The following CFAP74 variants were observed in gnomAD, a reference collection of about 807,000 sequenced individuals.
CFAP74 encodes cilia- and flagella-associated protein 74.
CFAP74 carries 124 observed loss-of-function variants against 188.9 expected under a neutral mutation model. The observed-to-expected ratio is 0.66, with a 90% CI of 0.57 to 0.76. The LOEUF (loss-of-function observed/expected upper bound fraction) is 0.76. CFAP74 is among the 30% of genes least tolerant of loss of function. The pLI is 0.00. For synonymous variants in CFAP74, 956 were observed against 916.7 expected (o/e 1.04, Z -0.77); for missense variants, 2,198 against 2,165.2 (o/e 1.02, Z -0.30).
At chr1:1,964,682 C>T (rs895766633) in intron 13 of CFAP74, among the ~76,000 whole-genome samples, 2 of 152,090 alleles carry the variant, frequency 1.3e-5, no homozygotes, top group Non-Finnish European at 2.9e-5. Context: ...CCCTGCTACT[C>T]GGGAGGCTGA....
intron 6 of CFAP74, among the ~76,000 whole-genome samples, chr1:1,979,894 G>A (rs1656720565): frequency 6.8e-6 from 1 of 147,010 alleles, no homozygotes; most frequent in Non-Finnish European, 1.5e-5. Context: ...GTCGTGCTGA[G>A]CTGGGCATGG....
chr1:1,988,290 G>A (rs567322039), intron 4 of CFAP74, among the ~76,000 whole-genome samples: 14 of 152,366 alleles, frequency 9.2e-5, no homozygotes, highest in South Asian at 2.1e-4. Context: ...TGGGGGCAGC[G>A]GGGCCACTTG....
At chr1:1,999,731 C>A (rs1438311363) in intron 1 of CFAP74, among the ~76,000 whole-genome samples, 1 of 151,922 alleles carries the variant, frequency 6.6e-6, no homozygotes, top group African/African-American at 2.4e-5. Context: ...GCAAGAGACT[C>A]CTTTGAACCT....
intron 8 of CFAP74, 66 bp from the exon 9 acceptor site, chr1:1,972,148 A>G: frequency 1.6e-6 from 2 of 1,240,874 alleles, no homozygotes; most frequent in Middle Eastern, 1.8e-4. Context: ...TGGTGCGATC[A>G]CAGCTCTCTG....
At chr1:1,938,382 G>A (rs1193266916) in intron 25 of CFAP74, among the ~76,000 whole-genome samples, 1 of 149,522 alleles carries the variant, frequency 6.7e-6, no homozygotes, top group East Asian at 2.0e-4. Context: ...CCACCTACGT[G>A]TACTCACATA....
At chr1:1,982,470 G>A (rs942657244) in intron 6 of CFAP74, among the ~76,000 whole-genome samples, 10 of 152,242 alleles carry the variant, frequency 6.6e-5, no homozygotes, top group African/African-American at 2.2e-4. Flanking sequence ...CTCAGGCTGT[G>A]CCCAGGAGCT....
intron 8 of CFAP74, among the ~76,000 whole-genome samples, 189 bp from the exon 9 acceptor site, chr1:1,972,271 A>C (rs1213686411): frequency 6.6e-6 from 1 of 152,216 alleles, no homozygotes; most frequent in Admixed American, 6.5e-5. Context: ...GAAGTGACAC[A>C]GCGATGCCGT....
intron 25 of CFAP74, among the ~76,000 whole-genome samples, chr1:1,938,313 A>C (rs1177964978): frequency 7.0e-6 from 1 of 141,926 alleles, no homozygotes; most frequent in African/African-American, 2.6e-5. Context: ...ACCCACATAC[A>C]TGCACTCACA....
At chr1:1,970,079 C>A (rs1041747967) in intron 10 of CFAP74, among the ~76,000 whole-genome samples, 3 of 152,118 alleles carry the variant, frequency 2.0e-5, no homozygotes, top group Non-Finnish European at 4.4e-5. Context: ...CAGTGGGGCC[C>A]GTGGGTGGGG....
At chr1:1,981,196 C>A (rs1656820181) in intron 6 of CFAP74, among the ~76,000 whole-genome samples, 3 of 152,242 alleles carry the variant, frequency 2.0e-5, no homozygotes, top group Non-Finnish European at 2.9e-5. Flanking sequence ...CTTGCAGAGA[C>A]CCTGCAACAA....
At chr1:1,983,374 G>A (rs758378085) in intron 6 of CFAP74, among the ~76,000 whole-genome samples, 8 of 152,082 alleles carry the variant, frequency 5.3e-5, no homozygotes, top group South Asian at 4.1e-4. Context: ...AGAAGCCAGC[G>A]GCCCCACAGT....
At chr1:1,929,153 G>C (rs1557989043) in intron 26 of CFAP74, among the ~76,000 whole-genome samples, 1 of 151,020 alleles carries the variant, frequency 6.6e-6, no homozygotes, top group Non-Finnish European at 1.5e-5. Flanking sequence ...TGGACAGGCC[G>C]GGACTGGGTC....
intron 38 of CFAP74, 93 bp from the exon 39 acceptor site, chr1:1,922,481 C>G: frequency 6.5e-7 from 1 of 1,548,992 alleles, no homozygotes; most frequent in Non-Finnish European, 8.7e-7. Context: ...ACCTGACTCC[C>G]TTGGGTCCTC....
At chr1:1,955,042 TGCGGCTCACACC>T in intron 18 of CFAP74, 1 of 1,260,628 alleles carries the variant, frequency 7.9e-7, no homozygotes, top group Admixed American at 2.8e-5. Context: ...ACACCGGAAG[TGCGGCTCACACC>T]GGAAGTGCGG....
intron 27 of CFAP74, 60 bp downstream of exon 27, chr1:1,928,724 G>A: frequency 7.5e-7 from 1 of 1,330,908 alleles, no homozygotes; most frequent in Non-Finnish European, 1.0e-6. Flanking sequence ...AGGCGGTGGA[G>A]TTTGTTCCTG....
intron 10 of CFAP74, among the ~76,000 whole-genome samples, chr1:1,970,258 C>A (rs894212444): frequency 3.3e-5 from 5 of 152,228 alleles, no homozygotes; most frequent in Non-Finnish European, 7.4e-5. Flanking sequence ...AGGGAGTGAG[C>A]AAGGGCAGGC....
intron 1 of CFAP74, among the ~76,000 whole-genome samples, chr1:1,992,122 T>C (rs1486975845): frequency 6.6e-6 from 1 of 151,978 alleles, no homozygotes; most frequent in Non-Finnish European, 1.5e-5. Context: ...TCGTCACGCG[T>C]TGCTGGTGGG....
chr1:1,977,840 T>C (rs995929038), intron 6 of CFAP74, among the ~76,000 whole-genome samples: 2 of 152,066 alleles, frequency 1.3e-5, no homozygotes, highest in Admixed American at 6.5e-5. Flanking sequence ...CGTTGGAAAG[T>C]TTGTTGTTGC....
chr1:1,977,050 G>A (rs766738009), intron 6 of CFAP74, among the ~76,000 whole-genome samples: 23 of 151,878 alleles, frequency 1.5e-4, no homozygotes, highest in South Asian at 6.3e-4. Flanking sequence ...GGGTTTCACC[G>A]TGTTAGCCAG....
Sources: allele counts gnomAD v4.1 joint callset (sites outside exome capture counted in the v4.1 genomes callset), GRCh38; gene constraint gnomAD v4.1.1; transcripts MANE v1.5; gene names NCBI Gene and HGNC (gene_info 2026-07-23, HGNC 2026-07-21).